The following MROH2A variants were observed in gnomAD, a reference collection of about 807,000 sequenced individuals.
MROH2A encodes the protein maestro heat like repeat family member 2A, also known as maestro heat-like repeat-containing protein family member 2A.
A neutral mutation model predicts 200.4 loss-of-function variants in MROH2A; 174 were observed. That is an observed-to-expected ratio of 0.87 (90% CI 0.77 to 0.98). MROH2A has a LOEUF of 0.98. MROH2A is among the 50% of genes least tolerant of loss of function. The pLI, the probability that MROH2A is intolerant of heterozygous loss-of-function variation, is 0.00. For missense variants in MROH2A, 2,045 were observed against 2,139.6 expected, an observed-to-expected ratio of 0.96 and a Z score of 0.87; for synonymous variants, 829 against 840.4, an observed-to-expected ratio of 0.99 and a Z score of 0.23.
chr2:233,788,691 A>G (rs867275517), intron 3 of MROH2A, among the ~76,000 whole-genome samples: 1 of 151,448 alleles, frequency 6.6e-6, no homozygotes, highest in Non-Finnish European at 1.5e-5. Flanking sequence ...TAATCCCAGC[A>G]CTTTGGGAGG....
chr2:233,796,598 C>T lies in MROH2A; in HGVS notation c.1252+285C>T, dbSNP rs1702127061. ...AGAGGCTGGATATAAGGCCAAACTA[C>T]ACCACATAGGCATAACTCTGAAGCC... is the stretch of plus-strand genomic sequence containing the variant. On this transcript the variant is annotated intron_variant, in intron 11 of 41. Coordinates refer to ENST00000389758, the MANE Select transcript of MROH2A (RefSeq NM_001394639.1). Among the ~76,000 whole-genome samples the T allele has an allele frequency of 2.6e-5, 4 of 152,212 alleles. No homozygotes were observed. The South Asian group carries it at 8.3e-4, about 32-fold the overall frequency.
chr2:233,780,722 T>C (rs1700916513), intron 3 of MROH2A, among the ~76,000 whole-genome samples: 1 of 152,220 alleles, frequency 6.6e-6, no homozygotes. Context: ...ATTTATCATT[T>C]CTTTGTGTTG....
intron 13 of MROH2A, 133 bp downstream of exon 13, chr2:233,800,032 A>T: frequency 7.9e-7 from 1 of 1,270,502 alleles, no homozygotes; most frequent in Middle Eastern, 1.9e-4. Context: ...GTTCATAGAC[A>T]CAGTGAACCT....
chr2:233,824,266 A>G (rs1704155956), intron 35 of MROH2A, among the ~76,000 whole-genome samples: 1 of 152,236 alleles, frequency 6.6e-6, no homozygotes, highest in Non-Finnish European at 1.5e-5. Flanking sequence ...TTTAAACTTC[A>G]TGGAATTTTC....
At chr2:233,818,839 G>A in intron 29 of MROH2A, 69 bp downstream of exon 29, 1 of 1,006,438 alleles carries the variant, frequency 9.9e-7, no homozygotes, top group Non-Finnish European at 1.5e-6. Context: ...CTCAGGGAGG[G>A]AGGCCTTCCT....
At chr2:233,825,055 A>G (rs1051419593) in intron 35 of MROH2A, among the ~76,000 whole-genome samples, 7 of 152,040 alleles carry the variant, frequency 4.6e-5, no homozygotes, top group Non-Finnish European at 1.0e-4. Context: ...CTTGTTAACT[A>G]TATTCCTAGG....
In MROH2A at chr2:233,796,269, G is replaced by T. The variant is rs932267372; in HGVS notation, c.1208G>T (p.Arg403Leu). The T allele has an allele frequency of 6.7e-7, 1 of 1,501,596 alleles. No individual in the cohort carries two copies. Among genetic ancestry groups the T allele is most frequent in the South Asian group, 1.2e-5 (1 of 83,430 alleles). The allele number at this position is 1,501,596 out of a possible 1,614,324, so 93.0% of individuals were successfully genotyped here. Residue 403 changes from arginine (R) to leucine (L), a missense_variant, in exon 11 of 42, where the codon CGC becomes CTC. Physicochemically the swap from Arg to Leu is moderately radical, Grantham distance 102 (BLOSUM62 -2). Coordinates refer to ENST00000389758, the MANE Select transcript of MROH2A (RefSeq NM_001394639.1). ...ATGGAGACAAACAAGGAGGCCGTCC[G>T]CGTGGGGACTCTGAATCTGATTAGG... Reference protein sequence around the residue: ...SQMETNKEAVRVGTLNLIRAI... With the variant: ...SQMETNKEAVLVGTLNLIRAI...
chr2:233,798,922 C>T, intron 12 of MROH2A, 72 bp downstream of exon 12: 2 of 1,250,462 alleles, frequency 1.6e-6, no homozygotes, highest in East Asian at 2.6e-5. Context: ...GAAGTCTGGG[C>T]TCTGGGAGGC....
chr2:233,810,149 G>C (rs11688461), intron 22 of MROH2A, among the ~76,000 whole-genome samples: 139 of 152,344 alleles, frequency 9.1e-4, no homozygotes, highest in Non-Finnish European at 1.6e-3. Flanking sequence ...GGCGGCCCCT[G>C]AGCTGCTTTG....
chr2:233,804,250 G>A (rs1471451934), intron 17 of MROH2A, 58 bp downstream of exon 17: 2 of 1,536,740 alleles, frequency 1.3e-6, no homozygotes, highest in Non-Finnish European at 8.8e-7. Context: ...ATGTGCTGGG[G>A]TTCTAATCAC....
At chr2:233,791,958 G>A (rs1488992325) in intron 5 of MROH2A, among the ~76,000 whole-genome samples, 1 of 152,060 alleles carries the variant, frequency 6.6e-6, no homozygotes, top group Non-Finnish European at 1.5e-5. Flanking sequence ...GAAGTGGAGG[G>A]GCCTGCCTCC....
At position 233,783,464 on chromosome 2, in the gene MROH2A, G is replaced by T. The variant is rs192026182; in HGVS notation, c.276+3612G>T. Among the ~76,000 whole-genome samples the T allele has an allele frequency of 3.9e-5, 6 of 152,210 alleles. No individual in the cohort carries two copies. The East Asian group carries it at 1.2e-3, about 29-fold the overall frequency. ...ATCTTGGTAGTCTGTATATGTCCAA[G>T]AATTTATCTGTTTCCTATAGGTTTT... On this transcript the variant is annotated intron_variant, in intron 3 of 41. Coordinates refer to ENST00000389758, the MANE Select transcript of MROH2A (RefSeq NM_001394639.1).
Position 233,799,969 on chromosome 2 carries a change from G to A in MROH2A, c.1449+70G>A, listed in dbSNP as rs547690126. 1.0e-4 allele frequency: 155 copies of A among 1,538,290 alleles called. 1 individual carries two copies. The East Asian group carries it at 2.0e-3, about 20-fold the overall frequency. On this transcript the variant is annotated intron_variant, in intron 13 of 41. Coordinates refer to ENST00000389758, the MANE Select transcript of MROH2A (RefSeq NM_001394639.1). ...AATGGTTTCCACAGTGCTGAGGGGA[G>A]AATGCCACTCAGCGTACCTGTGTTC...
chr2:233,832,498 CGTAAA>C (rs990328099), intron 40 of MROH2A, 76 bp from the exon 41 acceptor site: 90 of 1,174,724 alleles, frequency 7.7e-5, no homozygotes, highest in Non-Finnish European at 9.6e-5. Flanking sequence ...GCTCTCATAA[CGTAAA>C]GTAAGTAAAC....
intron 11 of MROH2A, among the ~76,000 whole-genome samples, chr2:233,797,546 G>A (rs1370794456): frequency 1.3e-5 from 2 of 152,200 alleles, no homozygotes; most frequent in South Asian, 2.1e-4. Context: ...GCAATACAAC[G>A]TGGGGCAGTA....
rs1702641281 is a variant in MROH2A, at chr2:233,804,067, C to T, written c.1766C>T (p.Pro589Leu). ...LARLLVLMSS[P>L]YKGEGRGIAM... Reference sequence around the variant, plus strand: ...GCCCTCCAGGTGCTGATGTCATCACCTTACAAGGGGGAGGGTCGTGGGATA... The same window carrying T: ...GCCCTCCAGGTGCTGATGTCATCACTTTACAAGGGGGAGGGTCGTGGGATA... Residue 589 changes from proline (P) to leucine (L), a missense_variant, in exon 17 of 42, where the codon CCT becomes CTT. Transcript: ENST00000389758. 2 of 1,550,554 alleles carry T rather than the reference C, an allele frequency of 1.3e-6. No individual in the cohort carries two copies. Among genetic ancestry groups the T allele is most frequent in the Non-Finnish European group, 1.7e-6 (2 of 1,146,974 alleles).
At position 233,807,509 on chromosome 2, in the gene MROH2A, C is replaced by T; in HGVS notation, c.2139C>T (p.Tyr713=). Residue 713 remains tyrosine, a synonymous_variant, in exon 20 of 42, where the codon TAC becomes TAT. Transcript: ENST00000389758. This position sits in a 1 kb window ranked among gnomAD's most constrained non-coding sequence, Gnocchi z 4.3. ...AGGTCCTGCTGTTGGAGCTGCTGTA[C>T]AAGACGGACTACAGCAATGACTTTG... ...KVEVLLLELL[Y]KTDYSNDFDS... The T allele has an allele frequency of 6.4e-7, 1 of 1,550,638 alleles. No individual in the cohort carries two copies. The highest frequency in any genetic ancestry group is 8.7e-7 in the Non-Finnish European group (1 of 1,147,012).
intron 23 of MROH2A, among the ~76,000 whole-genome samples, chr2:233,811,295 A>T (rs1257193353): frequency 6.6e-6 from 1 of 152,208 alleles, no homozygotes; most frequent in African/African-American, 2.4e-5. Context: ...TGAAGCCCTG[A>T]AGGATGCACA....
rs1171720009 is a variant in MROH2A at position 233,800,249 on chromosome 2, G to A, written c.1494G>A (p.Arg498=). The part of the protein sequence containing the change: ...EKFYQRDLEE[R]MVHKVTMDTV... ...TTTATCAGAGGGACTTGGAGGAGAG[G>A]ATGGTCCACAAAGTCACCATGGACA... The change falls in exon 14 of 42, where the codon AGG becomes AGA. Residue 498 remains arginine, a synonymous_variant. Coordinates refer to ENST00000389758, the MANE Select transcript of MROH2A (RefSeq NM_001394639.1). The A allele has an allele frequency of 1.3e-6, 2 of 1,550,258 alleles. No homozygotes were observed. Among genetic ancestry groups the A allele is most frequent in the East Asian group, 2.4e-5 (1 of 40,914 alleles).
Sources: allele counts gnomAD v4.1 joint callset (sites outside exome capture counted in the v4.1 genomes callset), GRCh38; gene constraint gnomAD v4.1.1; non-coding constraint Gnocchi (gnomAD v3.1); transcripts MANE v1.5; gene names NCBI Gene and HGNC (gene_info 2026-07-23, HGNC 2026-07-21).